Variants in LYPLAL1 observed in about 807,000 individuals in gnomAD.
The protein encoded by LYPLAL1 is lysophospholipase-like protein 1.
In LYPLAL1, 23 loss-of-function variants were observed where a neutral mutation model predicts 19.7. The observed-to-expected ratio is 1.17, with a 90% CI of 0.84 to 1.65. The LOEUF (loss-of-function observed/expected upper bound fraction) is 1.65. Ranked by LOEUF, LYPLAL1 falls within the 40% of genes most tolerant of loss-of-function variation. The pLI is 0.00. For synonymous variants in LYPLAL1, 119 were observed against 96.3 expected, an observed-to-expected ratio of 1.24 and a Z score of -1.38; for missense variants, 355 against 279.4, an observed-to-expected ratio of 1.27 and a Z score of -1.93.
At chr1:219,434,041 T>C in the LYPLAL1 span, among the ~76,000 whole-genome samples, 8 of 151,520 alleles carry the variant, frequency 5.3e-5, no homozygotes, top group East Asian at 1.4e-3. Context: ...AATTTTAAAA[T>C]GCAGTAAAAA....
the LYPLAL1 span, among the ~76,000 whole-genome samples, chr1:219,436,771 T>C: frequency 6.6e-6 from 1 of 152,306 alleles, no homozygotes; most frequent in African/African-American, 2.4e-5. Context: ...TGCATTTGTA[T>C]TAGTAAAGAT....
chr1:219,283,262 A>T, the LYPLAL1 span, among the ~76,000 whole-genome samples: 53,463 of 152,012 alleles, frequency 0.35, 9,858 homozygotes, highest in Non-Finnish European at 0.41. Context: ...TTATGATGTA[A>T]CTTTGATTAT....
At chr1:219,391,059 T>C in the LYPLAL1 span, among the ~76,000 whole-genome samples, 1 of 152,184 alleles carries the variant, frequency 6.6e-6, no homozygotes, top group Non-Finnish European at 1.5e-5. Flanking sequence ...TTAAAATCTT[T>C]TACCGAAGTC....
At chr1:219,209,955 A>G (rs1658872046) in intron 3 of LYPLAL1, among the ~76,000 whole-genome samples, 5 of 152,126 alleles carry the variant, frequency 3.3e-5, no homozygotes, top group Admixed American at 3.3e-4. Flanking sequence ...AACTACATAT[A>G]GGCATACATG....
downstream of LYPLAL1, among the ~76,000 whole-genome samples, chr1:219,213,579 C>T (rs1450897534): frequency 6.6e-6 from 1 of 151,962 alleles, no homozygotes; most frequent in Admixed American, 6.6e-5. Context: ...TATTTAGATA[C>T]TTGATTTCTT....
the LYPLAL1 span, among the ~76,000 whole-genome samples, chr1:219,421,652 T>C: frequency 2.0e-5 from 3 of 152,276 alleles, no homozygotes; most frequent in Admixed American, 6.5e-5. Context: ...CTAGAGATTC[T>C]ATTATCCTAC....
chr1:219,350,445 C>A, the LYPLAL1 span, among the ~76,000 whole-genome samples: 1 of 152,264 alleles, frequency 6.6e-6, no homozygotes, highest in South Asian at 2.1e-4. Flanking sequence ...GAATTGAGAC[C>A]AAGGGCAGGA....
At chr1:219,378,287 T>TGGC in the LYPLAL1 span, among the ~76,000 whole-genome samples, 5 of 149,066 alleles carry the variant, frequency 3.4e-5, no homozygotes, top group Admixed American at 3.3e-4. Context: ...GCTACAGTCA[T>TGGC]GGCAGAAGGG....
At chr1:219,257,375 G>C in the LYPLAL1 span, among the ~76,000 whole-genome samples, 27,271 of 108,360 alleles carry the variant, frequency 0.25, 2,901 homozygotes, top group African/African-American at 0.31. Context: ...TTTTTTTTTT[G>C]GTTACTGTTT....
At chr1:219,325,199 C>A in the LYPLAL1 span, among the ~76,000 whole-genome samples, 1 of 152,116 alleles carries the variant, frequency 6.6e-6, no homozygotes, top group Non-Finnish European at 1.5e-5. Context: ...TATGTCATAG[C>A]ATTTGTCTTT....
At chr1:219,324,447 A>G in the LYPLAL1 span, among the ~76,000 whole-genome samples, 2 of 152,200 alleles carry the variant, frequency 1.3e-5, no homozygotes, top group Non-Finnish European at 2.9e-5. Flanking sequence ...TATAAAGAAC[A>G]AAAGGTAGTG....
the LYPLAL1 span, among the ~76,000 whole-genome samples, chr1:219,243,825 A>C: frequency 2.4e-4 from 36 of 151,310 alleles, no homozygotes; most frequent in African/African-American, 8.5e-4. Context: ...AGGCTGAGAC[A>C]GGAGAATCGC....
the LYPLAL1 span, among the ~76,000 whole-genome samples, chr1:219,343,242 G>A: frequency 6.6e-6 from 1 of 152,174 alleles, no homozygotes; most frequent in Admixed American, 6.5e-5. Context: ...TTATACAAGT[G>A]AATAAGACAA....
the LYPLAL1 span, among the ~76,000 whole-genome samples, chr1:219,358,896 G>T: frequency 6.6e-6 from 1 of 151,992 alleles, no homozygotes; most frequent in Non-Finnish European, 1.5e-5. Context: ...TTGAGACAGA[G>T]GTTATCACTT....
At chr1:219,176,150 T>C (rs556791653) in intron 1 of LYPLAL1, among the ~76,000 whole-genome samples, 12 of 152,324 alleles carry the variant, frequency 7.9e-5, no homozygotes, top group African/African-American at 2.9e-4. Flanking sequence ...CCAACTTAAT[T>C]TGAGCCTTTT....
At chr1:219,235,455 T>C in the LYPLAL1 span, among the ~76,000 whole-genome samples, 549 of 152,292 alleles carry the variant, frequency 3.6e-3, 2 homozygotes, top group African/African-American at 0.013. Context: ...TATGGATCAA[T>C]GTGGAAGAAT....
chr1:219,236,247 C>T, the LYPLAL1 span, among the ~76,000 whole-genome samples: 4 of 152,000 alleles, frequency 2.6e-5, no homozygotes, highest in African/African-American at 4.8e-5. Flanking sequence ...TGGTTTCTTG[C>T]GGAAGAGGAG....
chr1:219,193,264 A>G lies in LYPLAL1; in HGVS notation c.361+13A>G. 6.3e-7 allele frequency: 1 copy of G among 1,594,626 alleles called. No homozygotes were observed. The highest frequency in any genetic ancestry group is 8.6e-7 in the Non-Finnish European group (1 of 1,168,118). On this transcript the variant is annotated intron_variant, in intron 3 of 4. Transcript: ENST00000366928. ...AGGATATTAATAGGTAAGACCTTTA[A>G]ATGTTGGTAATTTATCACTGTTCAC...
the LYPLAL1 span, among the ~76,000 whole-genome samples, chr1:219,423,728 G>A: frequency 1.3e-5 from 2 of 152,102 alleles, no homozygotes; most frequent in African/African-American, 4.8e-5. Context: ...ATCAAAGCAT[G>A]TTACAAATGA....
Sources: allele counts gnomAD v4.1 joint callset (sites outside exome capture counted in the v4.1 genomes callset), GRCh38; gene constraint gnomAD v4.1.1; transcripts MANE v1.5; gene names NCBI Gene and HGNC (gene_info 2026-07-23, HGNC 2026-07-21).